Variants in STEAP1B observed in about 807,000 individuals in gnomAD.
The protein encoded by STEAP1B is STEAP family member 1B.
Under a neutral mutation model 27.9 loss-of-function variants are expected in STEAP1B, and 13 were observed. That is an observed-to-expected ratio of 0.47 (90% confidence interval 0.30 to 0.74). STEAP1B has a LOEUF of 0.74. Among genes scored for constraint, STEAP1B ranks in the 30% least tolerant of loss-of-function variants. STEAP1B has a pLI of 0.06. For synonymous variants in STEAP1B, 86 were observed against 107.1 expected (o/e 0.80, Z 1.22); for missense variants, 250 against 298.7 (o/e 0.84, Z 1.20).
chr7:22,493,931 T>C (rs1786392535), intron 2 of STEAP1B, 95 bp from the exon 3 acceptor site: 3 of 1,399,440 alleles, frequency 2.1e-6, no homozygotes, highest in Admixed American at 4.9e-5. Flanking sequence ...GTGCTTCTCA[T>C]TGAATAAGGG....
intron 4 of STEAP1B, among the ~76,000 whole-genome samples, chr7:22,458,278 A>G (rs1201871777): frequency 1.3e-5 from 2 of 152,210 alleles, no homozygotes; most frequent in African/African-American, 4.8e-5. Context: ...ATATTTAGTT[A>G]GTGTACTAAA....
chr7:22,469,984 A>G (rs1331049729), intron 4 of STEAP1B, among the ~76,000 whole-genome samples: 2 of 152,238 alleles, frequency 1.3e-5, no homozygotes, highest in Non-Finnish European at 1.5e-5. Flanking sequence ...TAAATACAGA[A>G]ATAAAAGAGG....
chr7:22,460,444 G>T (rs1289207954), intron 4 of STEAP1B, among the ~76,000 whole-genome samples: 1 of 152,128 alleles, frequency 6.6e-6, no homozygotes, highest in African/African-American at 2.4e-5. Flanking sequence ...TTTAGGTGAG[G>T]TTCAGCCTAG....
At chr7:22,492,050 G>A (rs1241049523) in intron 4 of STEAP1B, among the ~76,000 whole-genome samples, 4 of 151,904 alleles carry the variant, frequency 2.6e-5, no homozygotes, top group Non-Finnish European at 4.4e-5. Flanking sequence ...GGCCGGGCGC[G>A]GTGGCTCACG....
intron 4 of STEAP1B, chr7:22,438,687 C>T (rs1785286554): frequency 6.4e-7 from 1 of 1,551,674 alleles, no homozygotes; most frequent in African/African-American, 1.4e-5. Context: ...GTGTGCCTAC[C>T]AGTTGTGTCT....
intron 4 of STEAP1B, among the ~76,000 whole-genome samples, chr7:22,486,791 C>A (rs1208000635): frequency 6.6e-6 from 1 of 152,096 alleles, no homozygotes; most frequent in African/African-American, 2.4e-5. Context: ...TCCTTTCTAG[C>A]CACACTGGCC....
At chr7:22,483,277 T>A (rs1313527452) in intron 4 of STEAP1B, among the ~76,000 whole-genome samples, 1 of 151,874 alleles carries the variant, frequency 6.6e-6, no homozygotes, top group African/African-American at 2.4e-5. Flanking sequence ...AAAAAAAAAA[T>A]CGCCAGTGTT....
At chr7:22,478,256 G>A (rs569756608) in intron 4 of STEAP1B, among the ~76,000 whole-genome samples, 4 of 152,264 alleles carry the variant, frequency 2.6e-5, no homozygotes, top group African/African-American at 7.2e-5. Flanking sequence ...GTTTATCTTC[G>A]GTTACTTAAG....
At chr7:22,438,677 G>T (rs557933990) in intron 4 of STEAP1B, 1 of 1,551,858 alleles carries the variant, frequency 6.4e-7, no homozygotes, top group East Asian at 2.4e-5. Flanking sequence ...CAGAAATTTG[G>T]TGTGCCTACC....
At chr7:22,434,559 G>T (rs749398424) in intron 4 of STEAP1B, among the ~76,000 whole-genome samples, 4 of 152,162 alleles carry the variant, frequency 2.6e-5, no homozygotes, top group Non-Finnish European at 5.9e-5. Context: ...AAGATAATAT[G>T]TGAGACTAAT....
At chr7:22,440,760 A>C (rs1446478248) in intron 4 of STEAP1B, among the ~76,000 whole-genome samples, 1 of 152,056 alleles carries the variant, frequency 6.6e-6, no homozygotes, top group Non-Finnish European at 1.5e-5. Flanking sequence ...AAAATAGAAA[A>C]ATTAAAAGCA....
chr7:22,486,302 T>C (rs1269260060), intron 4 of STEAP1B, among the ~76,000 whole-genome samples: 1 of 152,202 alleles, frequency 6.6e-6, no homozygotes, highest in African/African-American at 2.4e-5. Context: ...CCATTGGCAC[T>C]GTGGAGTATA....
At chr7:22,475,620 T>G (rs1785957530) in intron 4 of STEAP1B, among the ~76,000 whole-genome samples, 1 of 152,216 alleles carries the variant, frequency 6.6e-6, no homozygotes, top group Non-Finnish European at 1.5e-5. Flanking sequence ...TCCCCCAGCC[T>G]GCATGGTAAA....
chr7:22,465,019 A>C lies in STEAP1B; in HGVS notation c.762+27546T>G, dbSNP rs561948824. Among the ~76,000 whole-genome samples the C allele has an allele frequency of 8.6e-4, 125 of 144,878 alleles. 2 individuals are homozygous for C. The South Asian group carries it at 0.018, about 20-fold the overall frequency. On this transcript the variant is annotated intron_variant, in intron 4 of 4. Coordinates refer to ENST00000678116, the MANE Select transcript of STEAP1B (RefSeq NM_001382447.1). ...ACTAGTAATTCAATAGAACAATTAC[A>C]ACAATATGCCAGCATCACTACTCTT...
chr7:22,474,608 T>C (rs1440463565), intron 4 of STEAP1B, among the ~76,000 whole-genome samples: 4 of 152,206 alleles, frequency 2.6e-5, no homozygotes, highest in African/African-American at 9.6e-5. Flanking sequence ...TTACCAAAGA[T>C]AAGCTAAAAC....
chr7:22,495,979 G>T (rs1251730105), intron 1 of STEAP1B, among the ~76,000 whole-genome samples: 1 of 152,124 alleles, frequency 6.6e-6, no homozygotes, highest in Non-Finnish European at 1.5e-5. Flanking sequence ...ACTGTAAACA[G>T]CCCTAGGCAG....
intron 4 of STEAP1B, among the ~76,000 whole-genome samples, chr7:22,454,613 C>T (rs1250275679): frequency 2.0e-5 from 3 of 151,968 alleles, no homozygotes; most frequent in African/African-American, 7.3e-5. Context: ...GCTGGAGAGG[C>T]TGCACATGCT....
intron 4 of STEAP1B, among the ~76,000 whole-genome samples, chr7:22,459,883 T>C (rs1785648757): frequency 6.6e-6 from 1 of 152,222 alleles, no homozygotes; most frequent in Admixed American, 6.5e-5. Context: ...CCATTTTGGT[T>C]CATATCTAGT....
intron 4 of STEAP1B, among the ~76,000 whole-genome samples, chr7:22,469,197 A>G (rs1785837882): frequency 1.3e-5 from 2 of 152,162 alleles, no homozygotes; most frequent in African/African-American, 4.8e-5. Flanking sequence ...GTATGTTTGT[A>G]TCTTCATTTT....
Sources: allele counts gnomAD v4.1 joint callset (sites outside exome capture counted in the v4.1 genomes callset), GRCh38; gene constraint gnomAD v4.1.1; transcripts MANE v1.5; gene names NCBI Gene and HGNC (gene_info 2026-07-23, HGNC 2026-07-21).